The following SEPTIN14 variants were observed in gnomAD, a reference collection of about 807,000 sequenced individuals.
SEPTIN14 encodes septin 14, also known as septin-14.
Under a neutral mutation model 53.6 loss-of-function variants are expected in SEPTIN14, and 40 were observed. That is an observed-to-expected ratio of 0.75 (90% CI 0.58 to 0.97). The LOEUF (loss-of-function observed/expected upper bound fraction) is 0.97. Among genes scored for constraint, SEPTIN14 ranks in the 50% least tolerant of loss-of-function variants. SEPTIN14 has a pLI of 0.00. For synonymous variants in SEPTIN14, 138 were observed against 166.8 expected (o/e 0.83, Z 1.33); for missense variants, 471 against 508.2 (o/e 0.93, Z 0.70).
chr7:55,841,283 A>ATATATTGAGG (rs1789307317), intron 5 of SEPTIN14, among the ~76,000 whole-genome samples: 1 of 152,168 alleles, frequency 6.6e-6, no homozygotes, highest in Non-Finnish European at 1.5e-5. Context: ...TATATTGAAT[A>ATATATTGAGG]TTAGTGAGGT....
intron 9 of SEPTIN14, among the ~76,000 whole-genome samples, chr7:55,801,258 T>C (rs1434612204): frequency 6.6e-6 from 1 of 151,878 alleles, no homozygotes; most frequent in East Asian, 1.9e-4. Context: ...ATGAACTAAG[T>C]GTTTTTTAAA....
intron 5 of SEPTIN14, among the ~76,000 whole-genome samples, chr7:55,839,603 A>C (rs925904316): frequency 6.6e-6 from 1 of 152,132 alleles, no homozygotes; most frequent in Admixed American, 6.6e-5. Context: ...ATGCATAGAA[A>C]AAAACAGTAT....
At position 55,843,050 on chromosome 7, in the gene SEPTIN14, C is replaced by G; in HGVS notation, c.450G>C (p.Leu150Phe). The change falls in exon 5 of 10, where the codon TTG (leucine) becomes TTC (phenylalanine). Residue 150 changes from leucine (L) to phenylalanine (F), a missense_variant. Transcript: ENST00000388975. ...LQEELKIKRS[L>F]FEYHDSRVHV... Reference sequence around the variant, plus strand: ...GGACGCGAGAATCATGGTACTCAAACAAGGAACGTTTAATCTTCAGTTCTT... The same window carrying G: ...GGACGCGAGAATCATGGTACTCAAAGAAGGAACGTTTAATCTTCAGTTCTT... 6.2e-7 allele frequency: 1 copy of G among 1,606,434 alleles called. No homozygotes were observed. Among genetic ancestry groups the G allele is most frequent in the African/African-American group, 1.3e-5 (1 of 74,900 alleles).
rs1377662267 is a variant in SEPTIN14 at position 55,835,585 on chromosome 7, G to A, written c.559-999C>T. 2.0e-5 allele frequency among the ~76,000 whole-genome samples: 3 copies of A among 152,178 alleles called. No individual in the cohort carries two copies. In the East Asian group the frequency reaches 5.8e-4, roughly 29 times the overall value. On this transcript the variant is annotated intron_variant, in intron 5 of 9. Transcript: ENST00000388975. ...AAGAACTTTCCTCAAAATTGTGGAA[G>A]GGATTTTGTCCTTCTACTTTTTACA...
intron 7 of SEPTIN14, chr7:55,811,217 C>T: frequency 1.9e-6 from 1 of 527,158 alleles, no homozygotes; most frequent in South Asian, 1.5e-5. Flanking sequence ...CATCTTTGCG[C>T]AGTGCCTTGG....
chr7:55,827,180 A>C (rs1268101142), intron 6 of SEPTIN14, among the ~76,000 whole-genome samples: 1 of 152,204 alleles, frequency 6.6e-6, no homozygotes, highest in Non-Finnish European at 1.5e-5. Context: ...CTGGAGACTA[A>C]GGCTGTGCTG....
chr7:55,798,713 C>A, intron 9 of SEPTIN14: 1 of 246,660 alleles, frequency 4.1e-6, no homozygotes. Flanking sequence ...GACCGTCAGC[C>A]AGATCCTGGG....
intron 8 of SEPTIN14, among the ~76,000 whole-genome samples, chr7:55,805,719 A>G (rs565027431): frequency 6.6e-6 from 1 of 152,270 alleles, no homozygotes; most frequent in Non-Finnish European, 1.5e-5. Flanking sequence ...TAGACAGTAT[A>G]TGTAAAGAAT....
rs192203024 is a variant in SEPTIN14 at position 55,825,960 on chromosome 7, G to A, written c.721-6737C>T. ...TAATCAAAATACAAAAAATTAGCTG[G>A]GCGTGGTGGCAGGCGCCTGTAGTCC... is the stretch of plus-strand genomic sequence containing the variant. On this transcript the variant is annotated intron_variant, in intron 6 of 9. Transcript: ENST00000388975. Among the ~76,000 whole-genome samples the A allele has an allele frequency of 4.8e-3, 726 of 152,184 alleles. 9 individuals are homozygous for A. Among genetic ancestry groups the A allele is most frequent in the African/African-American group, 0.016 (658 of 41,532 alleles).
At chr7:55,804,440 G>T (rs982083192) in intron 9 of SEPTIN14, among the ~76,000 whole-genome samples, 1 of 151,692 alleles carries the variant, frequency 6.6e-6, no homozygotes, top group Admixed American at 6.6e-5. Context: ...TATATTTTTA[G>T]TTGAGACGGG....
intron 2 of SEPTIN14, among the ~76,000 whole-genome samples, chr7:55,854,543 C>A (rs1168953223): frequency 6.6e-6 from 1 of 151,840 alleles, no homozygotes; most frequent in Non-Finnish European, 1.5e-5. Context: ...TATTCTCCTG[C>A]CTCAGCCTCC....
chr7:55,811,575 C>T (rs564990467), intron 7 of SEPTIN14, among the ~76,000 whole-genome samples: 88 of 140,548 alleles, frequency 6.3e-4, no homozygotes, highest in Non-Finnish European at 1.1e-3. Context: ...GATCTCAGCT[C>T]ACTGCAACCT....
At chr7:55,800,350 G>A (rs1008463908) in intron 9 of SEPTIN14, among the ~76,000 whole-genome samples, 8 of 152,314 alleles carry the variant, frequency 5.3e-5, no homozygotes, top group East Asian at 1.9e-4. Flanking sequence ...TCAGTCAGGC[G>A]CAGTAGCTCA....
chr7:55,823,637 G>A (rs1788934734), intron 6 of SEPTIN14, among the ~76,000 whole-genome samples: 1 of 152,166 alleles, frequency 6.6e-6, no homozygotes, highest in African/African-American at 2.4e-5. Flanking sequence ...CCCAGGTGGG[G>A]GTGTCACTGG....
chr7:55,819,487 G>T (rs1448711913), intron 6 of SEPTIN14, among the ~76,000 whole-genome samples: 1 of 152,100 alleles, frequency 6.6e-6, no homozygotes, highest in Non-Finnish European at 1.5e-5. Context: ...TACTCGGGAG[G>T]CTGAGGCAGG....
chr7:55,819,025 A>G (rs1788844389), intron 7 of SEPTIN14, 102 bp downstream of exon 7: 1 of 689,176 alleles, frequency 1.5e-6, no homozygotes, highest in Admixed American at 2.5e-5. Context: ...GATTAGCAAG[A>G]GTTACCAATA....
At chr7:55,824,899 G>A (rs1788957655) in intron 6 of SEPTIN14, among the ~76,000 whole-genome samples, 1 of 152,084 alleles carries the variant, frequency 6.6e-6, no homozygotes, top group Non-Finnish European at 1.5e-5. Context: ...CATTGCCAGT[G>A]GGAATGCAAA....
At chr7:55,818,174 TAAC>T (rs1372586977) in intron 7 of SEPTIN14, among the ~76,000 whole-genome samples, 1 of 152,096 alleles carries the variant, frequency 6.6e-6, no homozygotes, top group African/African-American at 2.4e-5. Context: ...GTCAATTTTT[TAAC>T]AACATCATTT....
intron 2 of SEPTIN14, among the ~76,000 whole-genome samples, chr7:55,849,939 A>G (rs968108749): frequency 2.0e-5 from 3 of 150,980 alleles, no homozygotes; most frequent in Admixed American, 1.3e-4. Context: ...TTTCATTGGG[A>G]AAAAAAACAA....
Sources: allele counts gnomAD v4.1 joint callset (sites outside exome capture counted in the v4.1 genomes callset), GRCh38; gene constraint gnomAD v4.1.1; transcripts MANE v1.5; gene names NCBI Gene and HGNC (gene_info 2026-07-23, HGNC 2026-07-21).